Variants in GRIN2A observed in about 807,000 individuals in gnomAD.
GRIN2A encodes the protein glutamate receptor ionotropic, NMDA 2A.
Under a neutral mutation model 113.4 loss-of-function variants are expected in GRIN2A, and 22 were observed. That is an observed-to-expected ratio of 0.19 (90% CI 0.14 to 0.28). The LOEUF is 0.28. GRIN2A is among the 10% of genes least tolerant of loss of function. GRIN2A has a pLI of 1.00. For missense variants in GRIN2A, 1,502 were observed against 1,887.0 expected (o/e 0.80, Z 3.78); for synonymous variants, 827 against 738.4 (o/e 1.12, Z -1.94).
chr16:10,139,427 TAAAAGCCAATTAAAAAC>T (rs2049276519), intron 2 of GRIN2A, among the ~76,000 whole-genome samples: 1 of 152,078 alleles, frequency 6.6e-6, no homozygotes, highest in South Asian at 2.1e-4. Context: ...TAGATCAAAT[TAAAAGCCAATTAAAAAC>T]AAAAGCCAAT....
chr16:9,896,836 C>G lies in GRIN2A; in HGVS notation c.1008-5736G>C, dbSNP rs2043816520. Among the ~76,000 whole-genome samples the G allele has an allele frequency of 2.0e-5, 3 of 152,144 alleles. No individual in the cohort carries two copies. The South Asian group carries it at 6.2e-4, about 32-fold the overall frequency. Reference sequence around the variant, plus strand: ...GCTTTCTTCCCATTTAAACTTGCTCCAGAGCAGAGTTCTTTACCTAGGGAA... The same window carrying G: ...GCTTTCTTCCCATTTAAACTTGCTCGAGAGCAGAGTTCTTTACCTAGGGAA... On this transcript the variant is annotated intron_variant, in intron 3 of 12. Transcript: ENST00000330684.
intron 3 of GRIN2A, among the ~76,000 whole-genome samples, chr16:9,906,982 T>C: frequency 6.6e-6 from 1 of 152,134 alleles, no homozygotes; most frequent in Middle Eastern, 3.2e-3. Flanking sequence ...AGCTAGGTAA[T>C]TTCTGTATTT....
intron 4 of GRIN2A, among the ~76,000 whole-genome samples, chr16:9,880,778 C>A (rs779670377): frequency 1.9e-4 from 29 of 152,206 alleles, no homozygotes; most frequent in Non-Finnish European, 3.5e-4. Context: ...CCAAATCTTG[C>A]TTATTCTCGT....
chr16:9,969,850 A>G (rs566279496), intron 2 of GRIN2A, among the ~76,000 whole-genome samples: 2 of 152,360 alleles, frequency 1.3e-5, no homozygotes, highest in South Asian at 4.1e-4. Flanking sequence ...AATGTCAAGA[A>G]TTCCACTGCT....
At chr16:10,087,779 G>A (rs4780790) in intron 2 of GRIN2A, among the ~76,000 whole-genome samples, 1 of 151,342 alleles carries the variant, frequency 6.6e-6, no homozygotes, top group Non-Finnish European at 1.5e-5. Flanking sequence ...AGCCTCCATC[G>A]GGGCTCAAGT....
chr16:9,935,512 T>TCTCACA (rs553803966), intron 3 of GRIN2A, among the ~76,000 whole-genome samples: 5 of 132,836 alleles, frequency 3.8e-5, no homozygotes, highest in Admixed American at 7.6e-5. Context: ...GTCTACTTCA[T>TCTCACA]CACACACACA....
intron 2 of GRIN2A, among the ~76,000 whole-genome samples, chr16:10,040,735 C>A (rs72772352): frequency 0.085 from 12,990 of 152,324 alleles, 612 homozygotes; most frequent in Middle Eastern, 0.13. Flanking sequence ...ACTGCACACA[C>A]TCCCATGGAG....
chr16:9,898,825 A>C, intron 3 of GRIN2A, among the ~76,000 whole-genome samples: 2 of 143,370 alleles, frequency 1.4e-5, no homozygotes, highest in African/African-American at 2.6e-5. Context: ...TCTTACAAGC[A>C]TTCTCCTGGT....
intron 2 of GRIN2A, among the ~76,000 whole-genome samples, chr16:10,041,773 T>C (rs2047170573): frequency 6.6e-6 from 1 of 152,156 alleles, no homozygotes; most frequent in African/African-American, 2.4e-5. Context: ...CATCCTTGAG[T>C]GTATAAATCC....
At chr16:9,984,591 C>A (rs568026509) in intron 2 of GRIN2A, among the ~76,000 whole-genome samples, 5 of 152,186 alleles carry the variant, frequency 3.3e-5, no homozygotes, top group African/African-American at 1.2e-4. Context: ...TTCCAAGCAC[C>A]ATTTCTGCTG....
chr16:10,052,005 CCT>C (rs1318071704), intron 2 of GRIN2A, among the ~76,000 whole-genome samples: 2 of 152,198 alleles, frequency 1.3e-5, no homozygotes, highest in East Asian at 3.8e-4. Context: ...TCTCAAACTA[CCT>C]CTTTTACTGA....
intron 2 of GRIN2A, among the ~76,000 whole-genome samples, chr16:10,132,339 T>C (rs1345866977): frequency 2.5e-5 from 1 of 39,460 alleles, no homozygotes; most frequent in Non-Finnish European, 5.8e-5. Context: ...AGACACCGTC[T>C]CAAAAAAAAA....
At chr16:10,100,476 C>A (rs896647281) in intron 2 of GRIN2A, among the ~76,000 whole-genome samples, 3 of 152,184 alleles carry the variant, frequency 2.0e-5, no homozygotes, top group African/African-American at 7.2e-5. Flanking sequence ...TCTTTCTGCA[C>A]CTCCATTTCC....
At chr16:9,934,558 G>A (rs1359696660) in intron 3 of GRIN2A, among the ~76,000 whole-genome samples, 3 of 151,474 alleles carry the variant, frequency 2.0e-5, no homozygotes, top group East Asian at 1.9e-4. Context: ...GTGCGCACCT[G>A]TAGTCCCAGT....
chr16:9,813,089 G>C (rs561677125), intron 10 of GRIN2A, among the ~76,000 whole-genome samples: 1 of 152,204 alleles, frequency 6.6e-6, no homozygotes, highest in Non-Finnish European at 1.5e-5. Context: ...TGTAATAACC[G>C]TATCAGCAAC....
intron 2 of GRIN2A, among the ~76,000 whole-genome samples, chr16:10,143,342 A>G (rs917631143): frequency 6.6e-6 from 1 of 152,140 alleles, no homozygotes; most frequent in African/African-American, 2.4e-5. Context: ...GCAGGGATAC[A>G]TTTTCCTCTT....
intron 2 of GRIN2A, among the ~76,000 whole-genome samples, chr16:9,956,043 C>G (rs940338683): frequency 6.6e-6 from 1 of 152,142 alleles, no homozygotes; most frequent in Non-Finnish European, 1.5e-5. Context: ...TGTTCGGACT[C>G]ATGATCAAGA....
At chr16:9,886,472 A>G (rs1308361756) in intron 4 of GRIN2A, among the ~76,000 whole-genome samples, 1 of 152,204 alleles carries the variant, frequency 6.6e-6, no homozygotes, top group Non-Finnish European at 1.5e-5. Flanking sequence ...TACAGGGTGT[A>G]TAAGAGGGAA....
intron 2 of GRIN2A, among the ~76,000 whole-genome samples, chr16:9,940,284 G>A (rs1047264610): frequency 2.0e-5 from 3 of 152,106 alleles, no homozygotes; most frequent in Admixed American, 1.3e-4. Context: ...GTGAAGCATG[G>A]CCTGAAGGCA....
Sources: allele counts gnomAD v4.1 joint callset (sites outside exome capture counted in the v4.1 genomes callset), GRCh38; gene constraint gnomAD v4.1.1; transcripts MANE v1.5; gene names NCBI Gene and HGNC (gene_info 2026-07-23, HGNC 2026-07-21).